Variants in SAMD11 observed in about 807,000 individuals in gnomAD.
SAMD11 encodes sterile alpha motif domain containing 11.
In SAMD11, 77 loss-of-function variants were observed where a neutral mutation model predicts 64.4. That is an observed-to-expected ratio of 1.20 (90% CI 0.99 to 1.44). The LOEUF is 1.44. Ranked by LOEUF, SAMD11 falls within the 40% of genes most tolerant of loss-of-function variation. SAMD11 has a pLI of 0.00. For synonymous variants in SAMD11, 658 were observed against 421.9 expected (o/e 1.56, Z -6.86); for missense variants, 1,402 against 943.3 (o/e 1.49, Z -6.37).
At position 943,734 on chromosome 1, in the gene SAMD11, C is replaced by G. The variant is rs1353793000; in HGVS notation, c.2215C>G (p.Pro739Ala). 6.2e-7 allele frequency: 1 copy of G among 1,604,030 alleles called. No individual in the cohort carries two copies. The highest frequency in any genetic ancestry group is 8.5e-7 in the Non-Finnish European group (1 of 1,174,418). ...REQGIDGETL[P>A]LLTEEHLLTN... is the part of the protein sequence containing the mutation. ...GCAGGGGATCGACGGGGAGACCCTG[C>G]CACTGCTGACGGAGGAGCACCTGCT... is the stretch of plus-strand genomic sequence containing the variant. The change falls in exon 13 of 14, where the codon CCA becomes GCA. Residue 739 changes from proline to alanine, a missense_variant. Transcript: ENST00000616016.
At chr1:929,820 C>G (rs561254388) in intron 2 of SAMD11, among the ~76,000 whole-genome samples, 2 of 152,290 alleles carry the variant, frequency 1.3e-5, no homozygotes, top group South Asian at 4.1e-4. Flanking sequence ...TCCTCAAGGG[C>G]TGGGCCAACC....
rs1641988621 is a variant in SAMD11, at chr1:943,931, TTTC to T, written c.2315_2317del (p.Phe772del). Reference sequence around the variant, plus strand: ...AGGTGGCCAGGCGCCTGGGCCGAGTTTTCTACGTGGCCAGCTTCCCCGTGGCTC... The same window carrying T: ...AGGTGGCCAGGCGCCTGGGCCGAGTTTACGTGGCCAGCTTCCCCGTGGCTC... On this transcript the variant is annotated inframe_deletion, in exon 14 of 14. Transcript: ENST00000616016. 2 of 1,612,612 alleles carry T rather than the reference TTTC, an allele frequency of 1.2e-6. No individual in the cohort carries two copies. Among genetic ancestry groups the T allele is most frequent in the Non-Finnish European group, 1.7e-6 (2 of 1,179,796 alleles).
intron 2 of SAMD11, among the ~76,000 whole-genome samples, chr1:928,193 A>G (rs1372933700): frequency 6.6e-6 from 1 of 152,018 alleles, no homozygotes; most frequent in Non-Finnish European, 1.5e-5. Flanking sequence ...GGAGATCGAG[A>G]CCATCCTGAC....
At position 942,241 on chromosome 1, in the gene SAMD11, C is replaced by T. The variant is rs1641819491; in HGVS notation, c.1464C>T (p.Cys488=). 2 of 1,321,240 alleles carry T rather than the reference C, an allele frequency of 1.5e-6. No individual in the cohort carries two copies. Among genetic ancestry groups the T allele is most frequent in the Non-Finnish European group, 9.8e-7 (1 of 1,017,784 alleles). 81.8% of individuals were successfully genotyped at this position (1,321,240 alleles called of 1,614,324 possible). ...PPFLGVPSAL[C]QTPGYGFLPP... is the part of the protein sequence containing the mutation. ...TCCTGGGGGTGCCCTCGGCTCTGTG[C>T]CAGACCCCAGGTGAGGAGGCGGGTG... The change falls in exon 9 of 14, where the codon TGC becomes TGT. Residue 488 remains cysteine (C), a synonymous_variant. Coordinates refer to ENST00000616016, the MANE Select transcript of SAMD11 (RefSeq NM_001385641.1).
At chr1:925,647 G>C in intron 1 of SAMD11, 1 of 369,916 alleles carries the variant, frequency 2.7e-6, no homozygotes, top group Non-Finnish European at 5.0e-6. Flanking sequence ...GGGCCGGGGA[G>C]AGGGTGGAGC....
At position 933,942 on chromosome 1, in the gene SAMD11, C is replaced by T. The variant is rs1641286531; in HGVS notation, c.843-1830C>T. Reference sequence around the variant, plus strand: ...ATTTAACGAGGTTTAGGGTAGGCTCCTAGGTCACTGCGCAGGACTGCTCCG... The same window carrying T: ...ATTTAACGAGGTTTAGGGTAGGCTCTTAGGTCACTGCGCAGGACTGCTCCG... On this transcript the variant is annotated intron_variant, in intron 4 of 13. Coordinates refer to ENST00000616016, the MANE Select transcript of SAMD11 (RefSeq NM_001385641.1). Among the ~76,000 whole-genome samples the T allele has an allele frequency of 1.3e-5, 2 of 151,992 alleles. 1 individual carries two copies. The highest frequency in any genetic ancestry group is 4.8e-5 in the African/African-American group (2 of 41,276).
In SAMD11 at chr1:943,689, C is replaced by G. The variant is rs375430553; in HGVS notation, c.2179-9C>G. On this transcript the variant is annotated splice_polypyrimidine_tract_variant and intron_variant, in intron 12 of 13. Transcript: ENST00000616016. ...CCGGGTCCTGACCCTCCCTCCCTCCCCCTTCCAGGTCTTCAGGGAGCAGGG... is the reference window on the plus strand; with the variant it reads ...CCGGGTCCTGACCCTCCCTCCCTCCGCCTTCCAGGTCTTCAGGGAGCAGGG... The G allele has an allele frequency of 2.1e-4, 332 of 1,557,910 alleles. 1 individual carries two copies. In the African/African-American group the frequency reaches 4.0e-3, roughly 19 times the overall value.
Position 942,857 on chromosome 1 carries a change from C to T in SAMD11, c.1852C>T (p.Leu618Phe), listed in dbSNP as rs771428400. Residue 618 changes from leucine to phenylalanine, a missense_variant, in exon 11 of 14, where the codon CTC becomes TTC. Coordinates refer to ENST00000616016, the MANE Select transcript of SAMD11 (RefSeq NM_001385641.1). ...SESKEMTGAR[L>F]WAQDGSEDEP... The stretch of plus-strand genomic sequence containing the variant: ...GTCCAAGGAGATGACGGGGGCTAGG[C>T]TCTGGGCACAAGATGGCTCGGAAGA... 30 of 1,552,918 alleles carry T rather than the reference C, an allele frequency of 1.9e-5. 1 individual carries two copies. In the Admixed American group the frequency reaches 5.1e-4, roughly 26 times the overall value.
intron 2 of SAMD11, among the ~76,000 whole-genome samples, chr1:928,183 G>T (rs554562430): frequency 6.6e-6 from 1 of 152,122 alleles, no homozygotes; most frequent in Non-Finnish European, 1.5e-5. Context: ...CACGAGGTCA[G>T]GAGATCGAGA....
Position 939,402 on chromosome 1 carries a change from C to T in SAMD11, c.1185C>T (p.Leu395=). 1 of 1,442,064 alleles carries T rather than the reference C, an allele frequency of 6.9e-7. No individual in the cohort carries two copies. Among genetic ancestry groups the T allele is most frequent in the South Asian group, 1.2e-5 (1 of 82,002 alleles). The allele number at this position is 1,442,064 out of a possible 1,614,324, so 89.3% of individuals were successfully genotyped here. Residue 395 remains leucine (L), a synonymous_variant, in exon 7 of 14, where the codon CTC becomes CTT. Coordinates refer to ENST00000616016, the MANE Select transcript of SAMD11 (RefSeq NM_001385641.1). ...EDPQRLYHLG[L]PSHDLLRVRQ... is the part of the protein sequence containing the mutation. The stretch of plus-strand genomic sequence containing the variant: ...CTCAGCGCCTCTACCACCTGGGCCT[C>T]CCCAGCCACGGTGAGGACCCACCCT...
In SAMD11 at chr1:924,560, G is replaced by GGCCGCCCTCCCCCCGGCC. The variant is rs1553158217; in HGVS notation, c.133_150dup (p.Ala45_Ala50dup). On this transcript the variant is annotated inframe_insertion, in exon 1 of 14. Coordinates refer to ENST00000616016, the MANE Select transcript of SAMD11 (RefSeq NM_001385641.1). ...GCTACCTGGCGCCACTGCCCGCGGC[G>GGCCGCCCTCCCCCCGGCC]GCCGCCCTCCCCCCGGCCGCCTCGC... 1.3e-5 allele frequency: 2 copies of GGCCGCCCTCCCCCCGGCC among 150,680 alleles called. No homozygotes were observed. The highest frequency in any genetic ancestry group is 4.9e-5 in the African/African-American group (2 of 41,152). The allele number at this position is 150,680 out of a possible 1,614,324, so 9.3% of individuals were successfully genotyped here.
At chr1:937,816 A>G (rs538589981) in intron 5 of SAMD11, among the ~76,000 whole-genome samples, 61 of 152,386 alleles carry the variant, frequency 4.0e-4, no homozygotes, top group Non-Finnish European at 8.2e-4. Flanking sequence ...GCCAGGATCA[A>G]TAAGTTATTA....
Position 943,749 on chromosome 1 carries a change from G to A in SAMD11, c.2230G>A (p.Glu744Lys), listed in dbSNP as rs150760330. Residue 744 changes from glutamate (E) to lysine (K), a missense_variant, in exon 13 of 14, where the codon GAG becomes AAG. Glu to Lys is a moderately conservative substitution (Grantham distance 56). Transcript: ENST00000616016. ...DGETLPLLTEEHLLTNMGLKL... is the reference protein window; with the variant it reads ...DGETLPLLTEKHLLTNMGLKL... ...GGAGACCCTGCCACTGCTGACGGAGGAGCACCTGCTGACCAACATGGGGCT... is the reference window on the plus strand; with the variant it reads ...GGAGACCCTGCCACTGCTGACGGAGAAGCACCTGCTGACCAACATGGGGCT... 8.1e-6 allele frequency: 13 copies of A among 1,610,038 alleles called. No homozygotes were observed. The highest frequency in any genetic ancestry group is 1.1e-5 in the Non-Finnish European group (13 of 1,178,436).
intron 4 of SAMD11, among the ~76,000 whole-genome samples, chr1:932,776 G>A (rs1203239984): frequency 6.6e-6 from 1 of 152,252 alleles, no homozygotes; most frequent in Non-Finnish European, 1.5e-5. Context: ...TGGCTCTGCA[G>A]TGACCACCTG....
In SAMD11 at chr1:943,781, G is replaced by C; in HGVS notation, c.2262G>C (p.Leu754=). The C allele has an allele frequency of 5.0e-6, 8 of 1,612,572 alleles. No individual in the cohort carries two copies. Among genetic ancestry groups the C allele is most frequent in the Non-Finnish European group, 6.8e-6 (8 of 1,179,890 alleles). ...TGCTGACCAACATGGGGCTGAAGCT[G>C]GGGCCCGCCCTCAAGATCCGGGCCC... ...EHLLTNMGLK[L]GPALKIRAQV... Residue 754 remains leucine (L), a synonymous_variant, in exon 13 of 14, where the codon CTG becomes CTC. Transcript: ENST00000616016.
At position 939,105 on chromosome 1, in the gene SAMD11, A is replaced by AG; in HGVS notation, c.1036dup (p.Ala346GlyfsTer40). 1.9e-6 allele frequency: 3 copies of AG among 1,602,204 alleles called. No individual in the cohort carries two copies. The highest frequency in any genetic ancestry group is 2.6e-6 in the Non-Finnish European group (3 of 1,174,664). Reference sequence around the variant, plus strand: ...CAGCAGCGACTGCTTTTCAGAGAAGAGGGCACGAAGCGAATCGCCTCAAGG... The same window carrying AG: ...CAGCAGCGACTGCTTTTCAGAGAAGAGGGGCACGAAGCGAATCGCCTCAAGG... On this transcript the variant is annotated frameshift_variant, in exon 6 of 14. Transcript: ENST00000616016. LOFTEE classifies it high-confidence loss of function.
At chr1:941,407 T>G in intron 8 of SAMD11, 101 bp downstream of exon 8, 1 of 1,215,520 alleles carries the variant, frequency 8.2e-7, no homozygotes, top group Non-Finnish European at 1.1e-6. Context: ...AAGCACTGTG[T>G]TCAGCTCTAG....
intron 4 of SAMD11, among the ~76,000 whole-genome samples, chr1:932,857 G>A (rs1557602848): frequency 6.6e-6 from 1 of 152,228 alleles, no homozygotes; most frequent in Non-Finnish European, 1.5e-5. Context: ...GATGCTCCTC[G>A]AGCCATTGTT....
In SAMD11 at chr1:943,334, G is replaced by C. The variant is rs766563304; in HGVS notation, c.2135G>C (p.Cys712Ser). 11 of 1,603,884 alleles carry C rather than the reference G, an allele frequency of 6.9e-6. No homozygotes were observed. The highest frequency in any genetic ancestry group is 9.4e-6 in the Non-Finnish European group (11 of 1,174,624). Residue 712 changes from cysteine (C) to serine (S), a missense_variant, in exon 12 of 14, where the codon TGC (cysteine) becomes TCC (serine). Cys to Ser is a moderately radical substitution (Grantham distance 112). Transcript: ENST00000616016. ...DVTKWTVDDV[C>S]SFVGGLSGCG... The stretch of plus-strand genomic sequence containing the variant: ...ACCAAGTGGACCGTGGATGACGTCT[G>C]CAGCTTCGTGGGGGGCCTGTCTGGC...
Sources: allele counts gnomAD v4.1 joint callset (sites outside exome capture counted in the v4.1 genomes callset), GRCh38; gene constraint gnomAD v4.1.1; transcripts MANE v1.5; gene names NCBI Gene and HGNC (gene_info 2026-07-23, HGNC 2026-07-21).